The following DHRS12 variants were observed in gnomAD, a reference collection of about 807,000 sequenced individuals.
DHRS12 encodes the protein dehydrogenase/reductase 12.
In DHRS12, 29 loss-of-function variants were observed where a neutral mutation model predicts 32.1. That is an observed-to-expected ratio of 0.90 (90% CI 0.67 to 1.23). The LOEUF (loss-of-function observed/expected upper bound fraction) is 1.23, where lower values mean the gene tolerates loss of function less well. Ranked by LOEUF, DHRS12 falls within the 50% of genes most tolerant of loss-of-function variation. The probability of loss-of-function intolerance (pLI) is 0.00; values close to 1 mark genes in which losing one functional copy is unlikely to be tolerated. For missense variants in DHRS12, 330 were observed against 337.2 expected, an observed-to-expected ratio of 0.98 and a Z score of 0.17; for synonymous variants, 150 against 135.9, an observed-to-expected ratio of 1.10 and a Z score of -0.72.
Position 51,777,140 on chromosome 13 carries a change from TC to T in DHRS12, c.302-20del. 1 of 1,613,726 alleles carries T rather than the reference TC, an allele frequency of 6.2e-7. No homozygotes were observed. On this transcript the variant is annotated intron_variant, in intron 4 of 8. Transcript: ENST00000444610. The stretch of plus-strand genomic sequence containing the variant: ...TACACACCTGAGGCAGCACACAGCA[TC>T]CCATGAGGGGGCTGCAGGAAGCCCC...
intron 4 of DHRS12, among the ~76,000 whole-genome samples, chr13:51,784,280 GA>G (rs1465086576): frequency 1.3e-5 from 2 of 152,300 alleles, no homozygotes; most frequent in Admixed American, 1.3e-4. Flanking sequence ...GGGTCCATGG[GA>G]GCCCAGAGGG....
At position 51,769,050 on chromosome 13, in the gene DHRS12, G is replaced by GGGAC; in HGVS notation, c.697+102_697+105dup. On this transcript the variant is annotated intron_variant, in intron 8 of 8. Transcript: ENST00000444610. ...CCAAAGAAGCCCAGGCACCCCCCAG[G>GGGAC]GGACAGTCCCACCCCAGGTTTCACG... 6.0e-6 allele frequency: 9 copies of GGGAC among 1,507,264 alleles called. No homozygotes were observed. The South Asian group carries it at 1.1e-4, about 19-fold the overall frequency. The allele number at this position is 1,507,264 out of a possible 1,614,324, so 93.4% of individuals were successfully genotyped here.
Position 51,787,904 on chromosome 13 carries a change from A to ATATAT in DHRS12, c.301+2106_301+2107insATATA, listed in dbSNP as rs1434983438. 3.4e-3 allele frequency among the ~76,000 whole-genome samples: 432 copies of ATATAT among 126,430 alleles called. 2 individuals are homozygous for ATATAT. The highest frequency in any genetic ancestry group is 5.5e-3 in the East Asian group (27 of 4,880). The allele number at this position is 126,430 out of a possible 152,430, so 82.9% of individuals were successfully genotyped here. On this transcript the variant is annotated intron_variant, in intron 4 of 8. Coordinates refer to ENST00000444610, the MANE Select transcript of DHRS12 (RefSeq NM_001377533.1). ...ATATATAATATATAAATATATATAA[A>ATATAT]AATATATAATTATATATAATATATA...
intron 2 of DHRS12, 27 bp downstream of exon 2, chr13:51,799,507 T>C (rs757699252): frequency 1.2e-6 from 2 of 1,611,782 alleles, no homozygotes; most frequent in South Asian, 1.1e-5. Context: ...TGGGGCTCAG[T>C]GGACACACGT....
intron 5 of DHRS12, among the ~76,000 whole-genome samples, 185 bp downstream of exon 5, chr13:51,776,875 T>C (rs1043263608): frequency 6.6e-6 from 1 of 152,078 alleles, no homozygotes; most frequent in Non-Finnish European, 1.5e-5. Flanking sequence ...CAGAGAGGGC[T>C]GGGGTCTGAA....
At chr13:51,766,806 G>A (rs1040055833), downstream of DHRS12, 1 of 152,228 alleles carries the variant, frequency 6.6e-6, no homozygotes, top group Non-Finnish European at 1.5e-5. Flanking sequence ...TGCAGCTATG[G>A]TCCCATCACG....
intron 1 of DHRS12, among the ~76,000 whole-genome samples, chr13:51,799,890 A>G (rs996331965): frequency 6.6e-6 from 1 of 152,114 alleles, no homozygotes; most frequent in African/African-American, 2.4e-5. Flanking sequence ...AAAATATTGG[A>G]GATTCCAACA....
At chr13:51,779,875 C>T (rs1453284931) in intron 4 of DHRS12, among the ~76,000 whole-genome samples, 3 of 152,154 alleles carry the variant, frequency 2.0e-5, no homozygotes, top group African/African-American at 7.2e-5. Flanking sequence ...TAACCAGCTA[C>T]CCTTTAAAAT....
intron 4 of DHRS12, chr13:51,777,412 C>G: frequency 2.4e-6 from 1 of 420,896 alleles, no homozygotes. Context: ...GTCCACTTTG[C>G]AGAAGAAAAA....
intron 8 of DHRS12, chr13:51,768,505 A>G (rs1953855357): frequency 7.1e-7 from 1 of 1,417,306 alleles, no homozygotes; most frequent in Non-Finnish European, 9.2e-7. Context: ...GGGAGGCTGC[A>G]GCCAGGGCTG....
chr13:51,791,246 C>T lies in DHRS12; in HGVS notation c.138G>A (p.Leu46=). Residue 46 remains leucine (L), a synonymous_variant, in exon 3 of 9, where the codon CTG becomes CTA. Transcript: ENST00000444610. The stretch of plus-strand genomic sequence containing the variant: ...TGGGATCAGACAAGTCCACAATGTG[C>T]AGAAAAATGTTCTAAATTAGAAAGC... ...PLKSPSENIF[L]HIVDLSDPKQ... is the part of the protein sequence containing the mutation. The T allele has an allele frequency of 1.4e-6, 2 of 1,447,576 alleles. No individual in the cohort carries two copies. Among genetic ancestry groups the T allele is most frequent in the South Asian group, 1.5e-5 (1 of 66,188 alleles). 89.7% of individuals were successfully genotyped at this position (1,447,576 alleles called of 1,614,324 possible). A position where few individuals can be genotyped will look rare whatever the true frequency, so the allele number is the denominator to read the frequency against.
Position 51,799,457 on chromosome 13 carries a change from A to T in DHRS12, c.126+77T>A, listed in dbSNP as rs947293203. 5.1e-6 allele frequency: 8 copies of T among 1,569,942 alleles called. No individual in the cohort carries two copies. In the African/African-American group the frequency reaches 1.1e-4, roughly 21 times the overall value. ...GGACTTCCTGGCCTGCCTGTGACAC[A>T]GGGTGCCCTCCTCAGTGTGGACCGG... On this transcript the variant is annotated intron_variant, in intron 2 of 8. Coordinates refer to ENST00000444610, the MANE Select transcript of DHRS12 (RefSeq NM_001377533.1).
chr13:51,791,140 C>A, intron 3 of DHRS12, 25 bp downstream of exon 3: 1 of 1,473,946 alleles, frequency 6.8e-7, no homozygotes. Context: ...TGAATTTATT[C>A]TCCACTTATG....
chr13:51,781,767 C>T (rs1954721644), intron 4 of DHRS12, among the ~76,000 whole-genome samples: 2 of 152,184 alleles, frequency 1.3e-5, no homozygotes, highest in African/African-American at 4.8e-5. Context: ...TGTGAGGCTG[C>T]AGCCTCCAAG....
chr13:51,781,300 C>T (rs779282253), intron 4 of DHRS12, among the ~76,000 whole-genome samples: 5 of 152,164 alleles, frequency 3.3e-5, no homozygotes, highest in Admixed American at 2.0e-4. Flanking sequence ...GAGTGGTTAG[C>T]GTGAGTCAGG....
chr13:51,787,956 A>T (rs1228410501), intron 4 of DHRS12, among the ~76,000 whole-genome samples: 1 of 139,250 alleles, frequency 7.2e-6, no homozygotes, highest in African/African-American at 2.7e-5. Context: ...TATATAATAT[A>T]CATATATATG....
In DHRS12 at chr13:51,782,070, GT is replaced by G. The variant is rs1297134511; in HGVS notation, c.302-4950del. 1.3e-5 allele frequency among the ~76,000 whole-genome samples: 2 copies of G among 152,148 alleles called. No homozygotes were observed. The highest frequency in any genetic ancestry group is 2.9e-5 in the Non-Finnish European group (2 of 68,020). On this transcript the variant is annotated intron_variant, in intron 4 of 8. Coordinates refer to ENST00000444610, the MANE Select transcript of DHRS12 (RefSeq NM_001377533.1). This position sits in a 1 kb window ranked among gnomAD's most constrained non-coding sequence, Gnocchi z 4.2. ...GCTTGGATATGAGAAGTGAGGGGGT[GT>G]CAAGGACAAGCGGTGACGGAGATGA...
intron 4 of DHRS12, among the ~76,000 whole-genome samples, chr13:51,788,163 A>G (rs947774007): frequency 6.6e-6 from 1 of 151,618 alleles, no homozygotes; most frequent in Admixed American, 6.6e-5. Context: ...GGAGCCTCGC[A>G]TTTCCATTTG....
chr13:51,773,820 C>A, intron 6 of DHRS12, 110 bp downstream of exon 6: 2 of 883,326 alleles, frequency 2.3e-6, no homozygotes, highest in South Asian at 1.5e-5. Flanking sequence ...TCAGGTGCTG[C>A]ATGAACTACT....
Sources: gnomAD v4.1 joint callset for allele counts (sites outside exome capture counted in the v4.1 genomes callset) on GRCh38, gnomAD v4.1.1 for gene constraint, Gnocchi (gnomAD v3.1) non-coding constraint, MANE v1.5 for transcripts, NCBI Gene and HGNC (gene_info 2026-07-23, HGNC 2026-07-21) for gene names.